Variants in MBTPS1 observed in about 807,000 individuals in gnomAD.
MBTPS1 encodes membrane bound transcription factor peptidase, site 1.
In MBTPS1, 94 loss-of-function variants were observed where a neutral mutation model predicts 127.8. The observed-to-expected ratio is 0.74, with a 90% CI of 0.62 to 0.87. The LOEUF (loss-of-function observed/expected upper bound fraction) is 0.87. Among genes scored for constraint, MBTPS1 ranks in the 40% least tolerant of loss-of-function variants. The pLI, the probability that MBTPS1 is intolerant of heterozygous loss-of-function variation, is 0.00. For synonymous variants in MBTPS1, 632 were observed against 509.4 expected, an observed-to-expected ratio of 1.24 and a Z score of -3.24; for missense variants, 1,636 against 1,353.2, an observed-to-expected ratio of 1.21 and a Z score of -3.28.
rs766938566 is a variant in MBTPS1 at position 84,093,770 on chromosome 16, G to A, written c.677C>T (p.Pro226Leu). 2 of 1,613,968 alleles carry A rather than the reference G, an allele frequency of 1.2e-6. No individual in the cohort carries two copies. Among genetic ancestry groups the A allele is most frequent in the South Asian group, 2.2e-5 (2 of 90,954 alleles). Reference protein sequence around the residue: ...VFDTGLSEKHPHFKNVKERTN... With the variant: ...VFDTGLSEKHLHFKNVKERTN... ...TCTCTCCTTCACATTTTTGAAGTGG[G>A]GATGCTTCTCGCTCAGCCCAGTGTC... Residue 226 changes from proline (P) to leucine (L), a missense_variant, in exon 5 of 23, where the codon CCC becomes CTC. By Grantham distance (98) the Pro-to-Leu change is moderately conservative. Coordinates refer to ENST00000343411, the MANE Select transcript of MBTPS1 (RefSeq NM_003791.4).
intron 1 of MBTPS1, among the ~76,000 whole-genome samples, chr16:84,107,347 A>C (rs1336406437): frequency 1.3e-5 from 2 of 152,184 alleles, no homozygotes; most frequent in Non-Finnish European, 2.9e-5. Flanking sequence ...AGTGGCTGGA[A>C]GGAAGGTGCC....
At chr16:84,080,397 A>C (rs959118288) in intron 11 of MBTPS1, among the ~76,000 whole-genome samples, 5 of 152,284 alleles carry the variant, frequency 3.3e-5, no homozygotes, top group African/African-American at 1.2e-4. Flanking sequence ...GTATGTGACG[A>C]AACAAGGCCA....
At chr16:84,090,247 TA>T (rs1355586134) in intron 8 of MBTPS1, among the ~76,000 whole-genome samples, 1 of 152,226 alleles carries the variant, frequency 6.6e-6, no homozygotes, top group Non-Finnish European at 1.5e-5. Flanking sequence ...CTGAGACCTC[TA>T]ACCAGACAGG....
Position 84,070,719 on chromosome 16 carries a change from A to T in MBTPS1, c.1651T>A (p.Tyr551Asn). The T allele has an allele frequency of 6.2e-7, 1 of 1,614,152 alleles. No homozygotes were observed. Among genetic ancestry groups the T allele is most frequent in the Non-Finnish European group, 8.5e-7 (1 of 1,180,014 alleles). ...GACCAAGGCCATAAGACCGAGGAGT[A>T]GGAGAAGGCAACTTCAATGTTGTCT... is the stretch of plus-strand genomic sequence containing the variant. ...NGDNIEVAFSYSSVLWPWSGY... is the reference protein window; with the variant it reads ...NGDNIEVAFSNSSVLWPWSGY... The change falls in exon 13 of 23, where the codon TAC (tyrosine) becomes AAC (asparagine). Residue 551 changes from tyrosine (Y) to asparagine (N), a missense_variant. By Grantham distance (143) the Tyr-to-Asn change is moderately radical. Coordinates refer to ENST00000343411, the MANE Select transcript of MBTPS1 (RefSeq NM_003791.4).
rs150021379 is a variant in MBTPS1 at position 84,089,042 on chromosome 16, C to T, written c.1032-1582G>A. 8.5e-5 allele frequency among the ~76,000 whole-genome samples: 13 copies of T among 152,366 alleles called. 1 individual carries two copies. The highest frequency in any genetic ancestry group is 2.6e-4 in the African/African-American group (11 of 41,594). ...CCACAAAAGCCACAGGGTTTCAGAA[C>T]GGCAGCCAGCGTGTGACAAAACAGT... is the stretch of plus-strand genomic sequence containing the variant. On this transcript the variant is annotated intron_variant, in intron 8 of 22. Coordinates refer to ENST00000343411, the MANE Select transcript of MBTPS1 (RefSeq NM_003791.4).
At chr16:84,086,453 T>G (rs2151159508) in intron 9 of MBTPS1, 1 of 152,414 alleles carries the variant, frequency 6.6e-6, no homozygotes, top group Middle Eastern at 3.4e-3. Flanking sequence ...CATGAGAGAA[T>G]GGTCCCCAGC....
At chr16:84,111,781 G>T (rs2136664) in intron 1 of MBTPS1, among the ~76,000 whole-genome samples, 3 of 151,798 alleles carry the variant, frequency 2.0e-5, no homozygotes, top group Non-Finnish European at 4.4e-5. Context: ...CTAGGCCACT[G>T]TTTGTGGTCA....
At chr16:84,115,370 G>C (rs1225189505) in intron 1 of MBTPS1, among the ~76,000 whole-genome samples, 1 of 152,178 alleles carries the variant, frequency 6.6e-6, no homozygotes, top group African/African-American at 2.4e-5. Context: ...GGTGCCTGGG[G>C]AGTGCAGTCG....
chr16:84,055,774 T>C (rs1348901177), intron 22 of MBTPS1, among the ~76,000 whole-genome samples: 3 of 152,228 alleles, frequency 2.0e-5, no homozygotes, highest in Admixed American at 6.5e-5. Flanking sequence ...TAAATTCAAA[T>C]GTGAAAATCT....
At chr16:84,066,663 A>G in intron 16 of MBTPS1, 50 bp from the exon 17 acceptor site, 3 of 1,582,750 alleles carry the variant, frequency 1.9e-6, no homozygotes, top group Non-Finnish European at 2.6e-6. Context: ...AAGACACTCC[A>G]TACACAGTTA....
intron 12 of MBTPS1, among the ~76,000 whole-genome samples, chr16:84,074,235 T>G (rs1204929431): frequency 2.0e-5 from 3 of 151,552 alleles, no homozygotes; most frequent in Non-Finnish European, 4.4e-5. Context: ...CAGGGCTATT[T>G]CCTTTTTTTT....
chr16:84,063,536 C>T, intron 18 of MBTPS1, 91 bp from the exon 19 acceptor site: 1 of 1,234,420 alleles, frequency 8.1e-7, no homozygotes. Context: ...ACAAATAAAC[C>T]ACATTTACAA....
Position 84,056,162 on chromosome 16 carries a change from C to T in MBTPS1, c.2832-27G>A, listed in dbSNP as rs17849043. ...TTCAGGAAAATGGATTAAAACAAAACAAAAATAAGCCATTGTACTAGTCTA... is the reference window on the plus strand; with the variant it reads ...TTCAGGAAAATGGATTAAAACAAAATAAAAATAAGCCATTGTACTAGTCTA... On this transcript the variant is annotated intron_variant, in intron 21 of 22. Transcript: ENST00000343411. 553,399 of 1,599,642 alleles carry T rather than the reference C, an allele frequency of 0.35. 97,656 individuals are homozygous for T. The highest frequency in any genetic ancestry group is 0.48 in the Admixed American group (28,472 of 59,788).
At chr16:84,080,964 G>A (rs535718315) in intron 11 of MBTPS1, among the ~76,000 whole-genome samples, 6 of 152,316 alleles carry the variant, frequency 3.9e-5, no homozygotes, top group South Asian at 4.1e-4. Flanking sequence ...GAAGGAAAAC[G>A]GAGGAACCGT....
chr16:84,106,074 C>A (rs952891234), intron 1 of MBTPS1, among the ~76,000 whole-genome samples: 1 of 152,132 alleles, frequency 6.6e-6, no homozygotes, highest in Non-Finnish European at 1.5e-5. Context: ...GCGGGTGGAT[C>A]ACCTGAGGCC....
chr16:84,073,221 C>T (rs1199052591), intron 12 of MBTPS1, among the ~76,000 whole-genome samples: 1 of 152,168 alleles, frequency 6.6e-6, no homozygotes, highest in Non-Finnish European at 1.5e-5. Context: ...GCAACCTCCG[C>T]CTCCCAGGTT....
Position 84,070,015 on chromosome 16 carries a change from A to C in MBTPS1, c.1806T>G (p.Thr602=). 6.2e-7 allele frequency: 1 copy of C among 1,611,536 alleles called. No individual in the cohort carries two copies. The highest frequency in any genetic ancestry group is 8.5e-7 in the Non-Finnish European group (1 of 1,179,362). The change falls in exon 14 of 23, where the codon ACT becomes ACG. Residue 602 remains threonine (T), a synonymous_variant. Coordinates refer to ENST00000343411, the MANE Select transcript of MBTPS1 (RefSeq NM_003791.4). Reference sequence around the variant, plus strand: ...CCTTAATGGGGAGCTTTACTGTTGAAGTCTGTTCTGCACCATTTTTTGACT... The same window carrying C: ...CCTTAATGGGGAGCTTTACTGTTGACGTCTGTTCTGCACCATTTTTTGACT... ...ETESKNGAEQ[T]STVKLPIKVK... is the part of the protein sequence containing the mutation.
chr16:84,091,314 C>G (rs1380207816), intron 7 of MBTPS1, among the ~76,000 whole-genome samples: 1 of 151,870 alleles, frequency 6.6e-6, no homozygotes, highest in African/African-American at 2.4e-5. Flanking sequence ...GGTGAAACCC[C>G]GTCTCTACTA....
At chr16:84,114,115 C>A (rs1348023444) in intron 1 of MBTPS1, among the ~76,000 whole-genome samples, 1 of 133,590 alleles carries the variant, frequency 7.5e-6, no homozygotes, top group Non-Finnish European at 1.6e-5. Context: ...CAGGCGCATG[C>A]CACCACGCCC....
Sources: gnomAD v4.1 joint callset for allele counts (sites outside exome capture counted in the v4.1 genomes callset) on GRCh38, gnomAD v4.1.1 for gene constraint, MANE v1.5 for transcripts, NCBI Gene and HGNC (gene_info 2026-07-23, HGNC 2026-07-21) for gene names.